Variants in SENP7 observed in about 807,000 individuals in gnomAD.
SENP7 encodes the protein SUMO specific peptidase 7, also known as sentrin-specific protease 7.
SENP7 carries 64 observed loss-of-function variants against 141.2 expected under a neutral mutation model. The ratio of observed to expected loss-of-function variants is 0.45; its 90% CI spans 0.37 to 0.56. The LOEUF (loss-of-function observed/expected upper bound fraction) is 0.56, where lower values mean the gene tolerates loss of function less well. Among genes scored for constraint, SENP7 ranks in the 20% least tolerant of loss-of-function variants. The probability of loss-of-function intolerance (pLI) is 0.00; values close to 1 mark genes in which losing one functional copy is unlikely to be tolerated. For missense variants in SENP7, 1,025 were observed against 1,212.2 expected (o/e 0.85, Z 2.29); for synonymous variants, 382 against 426.4 (o/e 0.90, Z 1.28).
chr3:101,391,446 G>C (rs779763367), intron 6 of SENP7, among the ~76,000 whole-genome samples: 1 of 151,684 alleles, frequency 6.6e-6, no homozygotes, highest in Non-Finnish European at 1.5e-5. Context: ...AATAATTAGA[G>C]GATATTATGA....
intron 14 of SENP7, among the ~76,000 whole-genome samples, chr3:101,342,551 T>C (rs1010834112): frequency 3.3e-5 from 5 of 152,190 alleles, no homozygotes; most frequent in African/African-American, 1.2e-4. Context: ...AAAATTAACA[T>C]TGGCCTAATA....
rs777838061 is a variant in SENP7 at position 101,376,504 on chromosome 3, GACTAGTATATA to G, written c.678-4389_678-4379del. ...TCAACAAGTAAAGTATAGTATTACA[GACTAGTATATA>G]AGAAATGGCTGGCAAACAGCAAAAA... On this transcript the variant is annotated intron_variant, in intron 6 of 23. Coordinates refer to ENST00000394095, the MANE Select transcript of SENP7 (RefSeq NM_020654.5). Among the ~76,000 whole-genome samples the G allele has an allele frequency of 1.5e-3, 223 of 152,178 alleles. No individual in the cohort carries two copies. The Middle Eastern group carries it at 0.02, about 14-fold the overall frequency.
At chr3:101,410,556 C>T (rs2061425809) in intron 5 of SENP7, among the ~76,000 whole-genome samples, 1 of 152,080 alleles carries the variant, frequency 6.6e-6, no homozygotes, top group African/African-American at 2.4e-5. Context: ...ATAAAGAAAC[C>T]ATGGTATAGG....
chr3:101,446,696 A>C (rs1400351875), intron 4 of SENP7, among the ~76,000 whole-genome samples: 2 of 152,214 alleles, frequency 1.3e-5, no homozygotes, highest in African/African-American at 4.8e-5. Flanking sequence ...TAAAAGAAAA[A>C]AATTTTTTTT....
chr3:101,488,755 T>C (rs923358343), intron 3 of SENP7, among the ~76,000 whole-genome samples: 4 of 152,176 alleles, frequency 2.6e-5, no homozygotes, highest in African/African-American at 7.2e-5. Context: ...CGCAGGAGAA[T>C]TGCTTGAACC....
chr3:101,445,585 T>C (rs1007587710), intron 4 of SENP7, among the ~76,000 whole-genome samples: 2 of 151,946 alleles, frequency 1.3e-5, no homozygotes, highest in African/African-American at 4.8e-5. Context: ...TGGTTTAAAT[T>C]CTCCAATTTA....
intron 4 of SENP7, among the ~76,000 whole-genome samples, chr3:101,439,645 C>T (rs2062565548): frequency 3.1e-5 from 1 of 32,498 alleles, no homozygotes; most frequent in South Asian, 1.2e-3. Flanking sequence ...CCCCTCAGCC[C>T]GGCCAGCCAC....
chr3:101,390,243 A>AC (rs2060778065), intron 6 of SENP7, among the ~76,000 whole-genome samples: 1 of 134,208 alleles, frequency 7.5e-6, no homozygotes, highest in Non-Finnish European at 1.6e-5. Context: ...AAAAAAAAAA[A>AC]CCCAGAAAGA....
intron 4 of SENP7, among the ~76,000 whole-genome samples, chr3:101,438,769 C>G (rs2062489453): frequency 6.6e-6 from 1 of 152,194 alleles, no homozygotes; most frequent in African/African-American, 2.4e-5. Context: ...CAGATGGCTT[C>G]ACTGATGAAT....
chr3:101,353,538 T>C lies in SENP7; in HGVS notation c.1624-1887A>G, dbSNP rs577561267. On this transcript the variant is annotated intron_variant, in intron 11 of 23. Coordinates refer to ENST00000394095, the MANE Select transcript of SENP7 (RefSeq NM_020654.5). ...CCTAGATTTAAAAATAAGAAAAATT[T>C]TGTGGCAGTAAGGTAAACCTAGTTC... Among the ~76,000 whole-genome samples the C allele has an allele frequency of 9.1e-4, 138 of 152,120 alleles. 1 individual carries two copies. Among genetic ancestry groups the C allele is most frequent in the African/African-American group, 3.2e-3 (131 of 41,544 alleles).
At chr3:101,507,374 T>A (rs1157725751) in intron 1 of SENP7, among the ~76,000 whole-genome samples, 1 of 152,234 alleles carries the variant, frequency 6.6e-6, no homozygotes, top group East Asian at 1.9e-4. Flanking sequence ...AGCCTAGGAA[T>A]CACCACCAAG....
intron 11 of SENP7, 23 bp from the exon 12 acceptor site, chr3:101,351,674 A>T: frequency 7.5e-7 from 1 of 1,332,956 alleles, no homozygotes; most frequent in East Asian, 2.8e-5. Context: ...TTAAAAAGCA[A>T]ACAATGAGTT....
At chr3:101,407,816 A>G (rs1484093186) in intron 5 of SENP7, among the ~76,000 whole-genome samples, 1 of 152,198 alleles carries the variant, frequency 6.6e-6, no homozygotes, top group Non-Finnish European at 1.5e-5. Flanking sequence ...ATAGCCTTAA[A>G]TGCCTACATC....
At chr3:101,329,950 C>T (rs1455391260) in intron 20 of SENP7, among the ~76,000 whole-genome samples, 1 of 123,732 alleles carries the variant, frequency 8.1e-6, no homozygotes, top group Non-Finnish European at 1.7e-5. Context: ...AAGACCCCAT[C>T]ACAAAGAAAA....
intron 4 of SENP7, among the ~76,000 whole-genome samples, chr3:101,424,967 G>C (rs567990871): frequency 6.6e-6 from 1 of 152,254 alleles, no homozygotes; most frequent in South Asian, 2.1e-4. Flanking sequence ...AGATCTAATG[G>C]TTTTATAAAG....
chr3:101,357,585 T>C, intron 11 of SENP7: 1 of 1,200,908 alleles, frequency 8.3e-7, no homozygotes, highest in Non-Finnish European at 1.2e-6. Flanking sequence ...AATTTACAGT[T>C]TAAAAAAAGC....
At chr3:101,390,780 C>G (rs2060796223) in intron 6 of SENP7, among the ~76,000 whole-genome samples, 1 of 152,146 alleles carries the variant, frequency 6.6e-6, no homozygotes, top group African/African-American at 2.4e-5. Context: ...AACATTTCAC[C>G]CATGGCTGCA....
intron 6 of SENP7, among the ~76,000 whole-genome samples, chr3:101,387,645 G>A (rs1275811207): frequency 6.6e-6 from 1 of 152,206 alleles, no homozygotes; most frequent in African/African-American, 2.4e-5. Flanking sequence ...ACACACCCAG[G>A]TTGCCACAGC....
chr3:101,451,128 A>C (rs1321112717), intron 4 of SENP7, among the ~76,000 whole-genome samples: 1 of 152,206 alleles, frequency 6.6e-6, no homozygotes, highest in African/African-American at 2.4e-5. Flanking sequence ...GAAATGGATA[A>C]ATTCCTCAAC....
Sources: gnomAD v4.1 joint callset for allele counts (sites outside exome capture counted in the v4.1 genomes callset) on GRCh38, gnomAD v4.1.1 for gene constraint, MANE v1.5 for transcripts, NCBI Gene and HGNC (gene_info 2026-07-23, HGNC 2026-07-21) for gene names.